The following VASP variants were observed in gnomAD, a reference collection of about 807,000 sequenced individuals.
The protein encoded by VASP is vasodilator-stimulated phosphoprotein.
Under a neutral mutation model 54.4 loss-of-function variants are expected in VASP, and 27 were observed. The ratio of observed to expected loss-of-function variants is 0.50; its 90% CI spans 0.37 to 0.68. The LOEUF (loss-of-function observed/expected upper bound fraction) is 0.68, where lower values mean the gene tolerates loss of function less well. Ranked by LOEUF, VASP falls within the 30% of genes least tolerant of loss-of-function variation. The pLI, the probability that VASP is intolerant of heterozygous loss-of-function variation, is 0.00. For synonymous variants in VASP, 233 were observed against 209.8 expected (o/e 1.11, Z -0.96); for missense variants, 488 against 528.3 (o/e 0.92, Z 0.75).
chr19:45,520,458 G>C (rs1968807911), intron 3 of VASP, among the ~76,000 whole-genome samples: 2 of 152,210 alleles, frequency 1.3e-5, no homozygotes, highest in Admixed American at 6.5e-5. Flanking sequence ...GACAACTTCT[G>C]TGCTAGTGCG....
At position 45,517,822 on chromosome 19, in the gene VASP, G is replaced by A. The variant is rs769336506; in HGVS notation, c.165G>A (p.Gln55=). 3.1e-6 allele frequency: 5 copies of A among 1,613,460 alleles called. No individual in the cohort carries two copies. Among genetic ancestry groups the A allele is most frequent in the Non-Finnish European group, 4.2e-6 (5 of 1,179,942 alleles). ...NSFRVVGRKM[Q]PDQQVVINCA... is the part of the protein sequence containing the mutation. ...TTCGCGTCGTGGGCCGGAAGATGCA[G>A]CCCGACCAGCAGGTGCAGCTTCCCG... The change falls in exon 2 of 13, where the codon CAG becomes CAA. Residue 55 remains glutamine, a synonymous_variant. Transcript: ENST00000245932.
In VASP at chr19:45,517,802, G is replaced by A. The variant is rs1239673086; in HGVS notation, c.145G>A (p.Val49Ile). 5 of 1,613,698 alleles carry A rather than the reference G, an allele frequency of 3.1e-6. No homozygotes were observed. In the African/African-American group the frequency reaches 4.0e-5, roughly 13 times the overall value. ...CAACCCCACGGCCAATTCCTTTCGC[G>A]TCGTGGGCCGGAAGATGCAGCCCGA... ...YHNPTANSFRVVGRKMQPDQQ... is the reference protein window; with the variant it reads ...YHNPTANSFRIVGRKMQPDQQ... Residue 49 changes from valine (V) to isoleucine (I), a missense_variant, in exon 2 of 13, where the codon GTC becomes ATC. Val to Ile is a conservative substitution (Grantham distance 29, BLOSUM62 3). Coordinates refer to ENST00000245932, the MANE Select transcript of VASP (RefSeq NM_003370.4).
intron 3 of VASP, among the ~76,000 whole-genome samples, chr19:45,519,816 C>T (rs981672257): frequency 2.7e-5 from 4 of 146,796 alleles, no homozygotes; most frequent in African/African-American, 7.6e-5. Context: ...AGGATGGTCT[C>T]GATCTCCTGA....
At position 45,518,049 on chromosome 19, in the gene VASP, G is replaced by A; in HGVS notation, c.298G>A (p.Ala100Thr). The A allele has an allele frequency of 6.2e-7, 1 of 1,613,856 alleles. No homozygotes were observed. The highest frequency in any genetic ancestry group is 8.5e-7 in the Non-Finnish European group (1 of 1,180,010). The change falls in exon 3 of 13, where the codon GCC becomes ACC. Residue 100 changes from alanine (A) to threonine (T), a missense_variant. Around this residue, in one of 4 missense-constraint regions of VASP, gnomAD observed 127 missense variants for 170.7 expected, o/e 0.74. Transcript: ENST00000245932. ...CAACTTCGGCAGCAAGGAGGATGCG[G>A]CCCAGTTTGCCGCCGGCATGGCCAG... is the stretch of plus-strand genomic sequence containing the variant. ...GLNFGSKEDA[A>T]QFAAGMASAL...
chr19:45,524,819 C>T (rs558088305), intron 11 of VASP, 159 bp downstream of exon 11: 29 of 657,124 alleles, frequency 4.4e-5, no homozygotes, highest in African/African-American at 4.0e-4. Context: ...CGAGACTCCA[C>T]ACCCCCTTTT....
At chr19:45,517,394 AGTCT>A (rs1281615564) in intron 1 of VASP, among the ~76,000 whole-genome samples, 1 of 138,640 alleles carries the variant, frequency 7.2e-6, no homozygotes, top group African/African-American at 2.7e-5. Flanking sequence ...GTCTGCCTTC[AGTCT>A]GTCTCTCCTC....
intron 10 of VASP, 122 bp from the exon 11 acceptor site, chr19:45,524,448 A>G: frequency 9.5e-7 from 1 of 1,053,318 alleles, no homozygotes; most frequent in Non-Finnish European, 1.4e-6. Flanking sequence ...CTGGGGCCCC[A>G]AAAATACTTG....
At chr19:45,524,262 C>A in intron 10 of VASP, 120 bp downstream of exon 10, 1 of 1,155,770 alleles carries the variant, frequency 8.7e-7, no homozygotes, top group Non-Finnish European at 1.3e-6. Context: ...ATTAGCCAGG[C>A]GTGGTAGCAC....
intron 1 of VASP, among the ~76,000 whole-genome samples, chr19:45,508,048 T>G (rs1237830558): frequency 6.6e-6 from 1 of 151,628 alleles, no homozygotes; most frequent in Non-Finnish European, 1.5e-5. Flanking sequence ...TGTTAAGACT[T>G]TTTTTAGAGG....
At chr19:45,524,442 G>T in intron 10 of VASP, 128 bp from the exon 11 acceptor site, 1 of 939,708 alleles carries the variant, frequency 1.1e-6, no homozygotes. Context: ...AAAAAACTGG[G>T]GCCCCAAAAA....
chr19:45,523,735 G>C lies in VASP; in HGVS notation c.873+40G>C, dbSNP rs186343291. ...CTTCTTGCCCTACATCTCTTAGGCCGTACCATGAGGGTAGGGATAGTGGGA... is the reference window on the plus strand; with the variant it reads ...CTTCTTGCCCTACATCTCTTAGGCCCTACCATGAGGGTAGGGATAGTGGGA... On this transcript the variant is annotated intron_variant, in intron 8 of 12. Transcript: ENST00000245932. 5 of 1,613,758 alleles carry C rather than the reference G, an allele frequency of 3.1e-6. No homozygotes were observed. The African/African-American group carries it at 5.3e-5, about 17-fold the overall frequency.
In VASP at chr19:45,522,534, G is replaced by A. The variant is rs1968863639; in HGVS notation, c.673G>A (p.Gly225Ser). 3 of 1,455,850 alleles carry A rather than the reference G, an allele frequency of 2.1e-6. No homozygotes were observed. The highest frequency in any genetic ancestry group is 2.7e-6 in the Non-Finnish European group (3 of 1,109,578). The allele number at this position is 1,455,850 out of a possible 1,614,324, so 90.2% of individuals were successfully genotyped here. The stretch of plus-strand genomic sequence containing the variant: ...TGGTGGTGGGGGAGCTGGGGCCCCA[G>A]GCCTGGCCGCAGCTATTGCTGGAGC... The part of the protein sequence containing the change: ...GPGGGGAGAP[G>S]LAAAIAGAKL... Residue 225 changes from glycine to serine, a missense_variant, in exon 6 of 13, where the codon GGC (glycine) becomes AGC (serine). Coordinates refer to ENST00000245932, the MANE Select transcript of VASP (RefSeq NM_003370.4).
In VASP at chr19:45,526,402, C is replaced by A; in HGVS notation, c.*225C>A. ...CCCCCGCCCTTTTCTCCCTTTGGTC[C>A]TTCCCCTCTGCCATCCCCTTGGGGC... On this transcript the variant is annotated 3_prime_UTR_variant, in exon 13 of 13. Coordinates refer to ENST00000245932, the MANE Select transcript of VASP (RefSeq NM_003370.4). 1.9e-6 allele frequency: 1 copy of A among 524,548 alleles called. No individual in the cohort carries two copies. Among genetic ancestry groups the A allele is most frequent in the Non-Finnish European group, 3.3e-6 (1 of 304,590 alleles). The allele number at this position is 524,548 out of a possible 1,614,324, so 32.5% of individuals were successfully genotyped here. A position where few individuals can be genotyped will look rare whatever the true frequency, so the allele number is the denominator to read the frequency against.
At chr19:45,508,827 GGGACC>G (rs1444196263) in intron 1 of VASP, among the ~76,000 whole-genome samples, 1 of 152,210 alleles carries the variant, frequency 6.6e-6, no homozygotes, top group Non-Finnish European at 1.5e-5. Context: ...GGCGGCCCAA[GGGACC>G]CAGGGATTTG....
Position 45,522,460 on chromosome 19 carries a change from C to G in VASP, c.599C>G (p.Ala200Gly). 6.7e-7 allele frequency: 1 copy of G among 1,496,294 alleles called. No homozygotes were observed. 92.7% of individuals were successfully genotyped at this position (1,496,294 alleles called of 1,614,324 possible). Residue 200 changes from alanine to glycine, a missense_variant, in exon 6 of 13, where the codon GCA (alanine) becomes GGA (glycine). By Grantham distance (60) the Ala-to-Gly change is moderately conservative (BLOSUM62 0). Transcript: ENST00000245932. ...PSGVPAAAHGAGGGPPPAPPL... is the reference protein window; with the variant it reads ...PSGVPAAAHGGGGGPPPAPPL... ...GGGGTCCCAGCTGCAGCGCACGGAGCAGGGGGAGGACCACCCCCTGCACCC... is the reference window on the plus strand; with the variant it reads ...GGGGTCCCAGCTGCAGCGCACGGAGGAGGGGGAGGACCACCCCCTGCACCC...
Position 45,523,707 on chromosome 19 carries a change from ACT to A in VASP, c.873+15_873+16del. On this transcript the variant is annotated intron_variant, in intron 8 of 12. Coordinates refer to ENST00000245932, the MANE Select transcript of VASP (RefSeq NM_003370.4). ...ATGAATCTGCCAATGTAAGTCAGGG[ACT>A]CTTCTTGCCCTACATCTCTTAGGCC... The A allele has an allele frequency of 6.2e-7, 1 of 1,613,572 alleles. No individual in the cohort carries two copies. The highest frequency in any genetic ancestry group is 2.2e-5 in the East Asian group (1 of 44,856).
At chr19:45,512,179 C>G (rs1384091595) in intron 1 of VASP, among the ~76,000 whole-genome samples, 1 of 152,162 alleles carries the variant, frequency 6.6e-6, no homozygotes, top group Admixed American at 6.5e-5. Context: ...TTTGTTTCTT[C>G]CCTCCCCAGT....
At chr19:45,515,930 A>C (rs972782159) in intron 1 of VASP, among the ~76,000 whole-genome samples, 29 of 152,128 alleles carry the variant, frequency 1.9e-4, no homozygotes, top group Middle Eastern at 3.4e-3. Context: ...AGGCAAGAAG[A>C]GGTCTTGAGT....
intron 4 of VASP, among the ~76,000 whole-genome samples, chr19:45,521,877 TC>T (rs1206846052): frequency 1.4e-5 from 2 of 146,884 alleles, no homozygotes; most frequent in African/African-American, 5.1e-5. Flanking sequence ...TGACAGAGTC[TC>T]AAAAAAAAAA....
Sources: gnomAD v4.1 joint callset for allele counts (sites outside exome capture counted in the v4.1 genomes callset) on GRCh38, gnomAD v4.1.1 for gene constraint, gnomAD v4.1.1 regional missense constraint, MANE v1.5 for transcripts, NCBI Gene and HGNC (gene_info 2026-07-23, HGNC 2026-07-21) for gene names.